The following DGKI variants were observed in gnomAD, a reference collection of about 807,000 sequenced individuals.
The protein encoded by DGKI is diacylglycerol kinase iota.
A neutral mutation model predicts 147.5 loss-of-function variants in DGKI; 55 were observed. The ratio of observed to expected loss-of-function variants is 0.37; its 90% CI spans 0.30 to 0.47. The LOEUF (loss-of-function observed/expected upper bound fraction) is 0.47, where lower values mean the gene tolerates loss of function less well. Ranked by LOEUF, DGKI falls within the 20% of genes least tolerant of loss-of-function variation. The pLI is 1.00. For synonymous variants in DGKI, 469 were observed against 477.1 expected (o/e 0.98, Z 0.22); for missense variants, 1,007 against 1,323.8 (o/e 0.76, Z 3.71).
intron 1 of DGKI, among the ~76,000 whole-genome samples, chr7:137,700,890 TAAATAAATAAATA>T (rs1413604103): frequency 1.8e-5 from 1 of 57,114 alleles, no homozygotes; most frequent in Non-Finnish European, 4.2e-5. Context: ...AATAAATAAA[TAAATAAATAAATA>T]AATAAATAAA....
intron 29 of DGKI, among the ~76,000 whole-genome samples, chr7:137,411,703 T>G (rs1812169389): frequency 6.6e-6 from 1 of 152,094 alleles, no homozygotes; most frequent in African/African-American, 2.4e-5. Context: ...AAACACAAAT[T>G]AAACTATTCC....
At chr7:137,445,142 A>C (rs913966423) in intron 27 of DGKI, among the ~76,000 whole-genome samples, 2 of 152,214 alleles carry the variant, frequency 1.3e-5, no homozygotes, top group African/African-American at 4.8e-5. Context: ...TCATTCAGTC[A>C]ATACAAAAAT....
intron 1 of DGKI, among the ~76,000 whole-genome samples, chr7:137,763,936 A>G (rs972056418): frequency 6.6e-6 from 1 of 152,252 alleles, no homozygotes; most frequent in Non-Finnish European, 1.5e-5. Context: ...TAGGCCTGAA[A>G]AACAGACCGC....
intron 3 of DGKI, among the ~76,000 whole-genome samples, chr7:137,660,498 G>C (rs1043946692): frequency 8.5e-5 from 13 of 152,212 alleles, no homozygotes; most frequent in Non-Finnish European, 1.5e-4. Context: ...TCAGCTCATA[G>C]CAGGCAAGGG....
At chr7:137,509,951 G>GA (rs200541906) in intron 21 of DGKI, among the ~76,000 whole-genome samples, 4 of 151,032 alleles carry the variant, frequency 2.6e-5, no homozygotes, top group Admixed American at 1.3e-4. Context: ...ATCCCAGGGA[G>GA]AAAAAAAAAG....
rs1815606526 is a variant in DGKI at position 137,487,490 on chromosome 7, A to C, written c.2328+120T>G. 7 of 887,818 alleles carry C rather than the reference A, an allele frequency of 7.9e-6. No homozygotes were observed. The Admixed American group carries it at 1.3e-4, about 16-fold the overall frequency. The allele number at this position is 887,818 out of a possible 1,614,324, so 55.0% of individuals were successfully genotyped here. On this transcript the variant is annotated intron_variant, in intron 22 of 32. Coordinates refer to ENST00000614521, the MANE Select transcript of DGKI (RefSeq NM_001321708.2). ...CATACAGCGTATGCTTGAAGGACAA[A>C]GCCACCACATTTCCACTTCCTCTCC...
chr7:137,486,379 A>G (rs1815560165), intron 22 of DGKI, among the ~76,000 whole-genome samples: 1 of 152,126 alleles, frequency 6.6e-6, no homozygotes, highest in Non-Finnish European at 1.5e-5. Context: ...AAGGTTTGGT[A>G]CCAATTATGA....
chr7:137,530,940 A>T (rs946828460), intron 20 of DGKI, among the ~76,000 whole-genome samples: 1 of 152,172 alleles, frequency 6.6e-6, no homozygotes, highest in African/African-American at 2.4e-5. Flanking sequence ...ATTATTGCAA[A>T]TTTAAGTCTT....
intron 1 of DGKI, among the ~76,000 whole-genome samples, chr7:137,707,680 CTATGAT>C (rs1392542655): frequency 6.6e-6 from 1 of 152,164 alleles, no homozygotes. Flanking sequence ...TCACCTTCTG[CTATGAT>C]TATAAGTTTC....
chr7:137,435,636 T>G (rs373850822), intron 28 of DGKI, among the ~76,000 whole-genome samples: 3 of 151,998 alleles, frequency 2.0e-5, no homozygotes, highest in African/African-American at 7.2e-5. Flanking sequence ...AAATCTGATA[T>G]GGGGCAAAAA....
chr7:137,654,753 T>G lies in DGKI; in HGVS notation c.717A>C (p.Gly239=), dbSNP rs1215152986. The change falls in exon 5 of 33, where the codon GGA becomes GGC. Residue 239 remains glycine (G), a synonymous_variant. Coordinates refer to ENST00000614521, the MANE Select transcript of DGKI (RefSeq NM_001321708.2). ...NFRCKPTFRE[G]GSRSPRENFV... ...TCACTTCTCTTGGTGACCTTGAGCCTCCTTCTCGAAATGTTGGTTTACATC... is the reference window on the plus strand; with the variant it reads ...TCACTTCTCTTGGTGACCTTGAGCCGCCTTCTCGAAATGTTGGTTTACATC... 44 of 1,608,928 alleles carry G rather than the reference T, an allele frequency of 2.7e-5. No homozygotes were observed. Among genetic ancestry groups the G allele is most frequent in the Non-Finnish European group, 3.7e-5 (43 of 1,176,200 alleles).
chr7:137,440,939 C>A (rs1399884216), intron 28 of DGKI, among the ~76,000 whole-genome samples: 2 of 152,118 alleles, frequency 1.3e-5, no homozygotes, highest in South Asian at 2.1e-4. Flanking sequence ...CTCCTCCTCA[C>A]CCTGATGTAA....
intron 8 of DGKI, 67 bp downstream of exon 8, chr7:137,619,757 A>G (rs1170067367): frequency 8.0e-7 from 1 of 1,251,956 alleles, no homozygotes; most frequent in Non-Finnish European, 1.2e-6. Flanking sequence ...GTCTGGGGAG[A>G]AAAGCACGAA....
At chr7:137,512,419 T>C (rs1029764414) in intron 21 of DGKI, among the ~76,000 whole-genome samples, 13 of 152,166 alleles carry the variant, frequency 8.5e-5, no homozygotes, top group African/African-American at 3.1e-4. Flanking sequence ...GCAAGATGAA[T>C]GAAAGTAATA....
At chr7:137,401,638 C>T (rs556993070) in intron 30 of DGKI, among the ~76,000 whole-genome samples, 6 of 152,312 alleles carry the variant, frequency 3.9e-5, no homozygotes, top group African/African-American at 1.4e-4. Context: ...TATGCCATCT[C>T]CCCTAAGGAA....
intron 23 of DGKI, among the ~76,000 whole-genome samples, chr7:137,483,031 CA>C (rs948150149): frequency 6.6e-6 from 1 of 152,024 alleles, no homozygotes; most frequent in Admixed American, 6.6e-5. Context: ...TGTAAGTAAA[CA>C]AAATAATGCA....
chr7:137,511,689 C>G (rs1816585626), intron 21 of DGKI, among the ~76,000 whole-genome samples: 1 of 152,144 alleles, frequency 6.6e-6, no homozygotes, highest in South Asian at 2.1e-4. Context: ...CTTTCTTGGC[C>G]TTAGTTCAAA....
chr7:137,442,779 T>G (rs1813559655), intron 28 of DGKI, among the ~76,000 whole-genome samples: 1 of 152,228 alleles, frequency 6.6e-6, no homozygotes, highest in Non-Finnish European at 1.5e-5. Flanking sequence ...TCTTAATTCA[T>G]TCATTTAATA....
intron 8 of DGKI, among the ~76,000 whole-genome samples, chr7:137,611,917 A>C (rs1820376809): frequency 6.6e-6 from 1 of 152,182 alleles, no homozygotes; most frequent in Non-Finnish European, 1.5e-5. Flanking sequence ...ACTTTTTTGT[A>C]GTTTTAATTC....
Sources: gnomAD v4.1 joint callset for allele counts (sites outside exome capture counted in the v4.1 genomes callset) on GRCh38, gnomAD v4.1.1 for gene constraint, MANE v1.5 for transcripts, NCBI Gene and HGNC (gene_info 2026-07-23, HGNC 2026-07-21) for gene names.